Variants in ENKUR observed in about 807,000 individuals in gnomAD.
The protein encoded by ENKUR is enkurin, TRPC channel interacting protein.
In ENKUR, 19 loss-of-function variants were observed where a neutral mutation model predicts 27.6. The ratio of observed to expected loss-of-function variants is 0.69; its 90% confidence interval spans 0.48 to 1.01. The LOEUF (loss-of-function observed/expected upper bound fraction) is 1.01, where lower values mean the gene tolerates loss of function less well. Ranked by LOEUF, ENKUR falls within the 50% of genes least tolerant of loss-of-function variation. The probability of loss-of-function intolerance (pLI) is 0.00; values close to 1 mark genes in which losing one functional copy is unlikely to be tolerated. For missense variants in ENKUR, 312 were observed against 310.5 expected, an observed-to-expected ratio of 1.00 and a Z score of -0.04; for synonymous variants, 117 against 96.9, an observed-to-expected ratio of 1.21 and a Z score of -1.22.
At position 25,003,801 on chromosome 10, in the gene ENKUR, G is replaced by C. The variant is rs753050067; in HGVS notation, c.78-4255C>G. On this transcript the variant is annotated intron_variant, in intron 1 of 5. Transcript: ENST00000331161. ...GTATTAAACCTAGTACTCATTACTT[G>C]TTTTTCCTGATCCTCTCCCTCCTTC... Among the ~76,000 whole-genome samples, 4 of 152,130 alleles carry C rather than the reference G, an allele frequency of 2.6e-5. No individual in the cohort carries two copies. In the South Asian group the frequency reaches 6.2e-4, roughly 24 times the overall value.
chr10:25,036,520 A>G (rs2130464242), intron 2 of ENKUR, among the ~76,000 whole-genome samples: 1 of 152,316 alleles, frequency 6.6e-6, no homozygotes, highest in South Asian at 2.1e-4. Flanking sequence ...TTCTTTGGGG[A>G]AAGATCACAG....
At position 24,992,195 on chromosome 10, in the gene ENKUR, G is replaced by A. The variant is rs1849943597; in HGVS notation, c.448-1586C>T. Reference sequence around the variant, plus strand: ...CTAGGAATACTAGTGAATAAAAAAGGCAAAGTTTCCGTCTTCAGGGAATTT... The same window carrying A: ...CTAGGAATACTAGTGAATAAAAAAGACAAAGTTTCCGTCTTCAGGGAATTT... On this transcript the variant is annotated intron_variant, in intron 3 of 5. Transcript: ENST00000331161. Among the ~76,000 whole-genome samples the A allele has an allele frequency of 2.0e-5, 3 of 152,334 alleles. No homozygotes were observed. The South Asian group carries it at 6.2e-4, about 32-fold the overall frequency.
chr10:25,038,002 A>G (rs1451673425), intron 2 of ENKUR, among the ~76,000 whole-genome samples: 3 of 152,196 alleles, frequency 2.0e-5, no homozygotes, highest in Non-Finnish European at 4.4e-5. Context: ...TAGATCCCAC[A>G]ATAAACCACT....
At chr10:25,061,018 T>C (rs1019652043) in intron 2 of ENKUR, 1 of 1,253,992 alleles carries the variant, frequency 8.0e-7, no homozygotes, top group African/African-American at 1.5e-5. Flanking sequence ...CTGGCCCTTA[T>C]GTTTCTTTAG....
chr10:25,028,858 C>G (rs1177504664), intron 2 of ENKUR, among the ~76,000 whole-genome samples: 6 of 152,186 alleles, frequency 3.9e-5, no homozygotes, highest in Non-Finnish European at 8.8e-5. Flanking sequence ...CATACATTTT[C>G]TGTTATTCAT....
At chr10:25,036,504 C>A (rs1400168471) in intron 2 of ENKUR, among the ~76,000 whole-genome samples, 2 of 152,116 alleles carry the variant, frequency 1.3e-5, no homozygotes, top group African/African-American at 4.8e-5. Context: ...AGTATTTGTT[C>A]CACTTTTCTT....
Position 24,995,756 on chromosome 10 carries a change from T to C in ENKUR, c.337A>G (p.Ile113Val), listed in dbSNP as rs1347838197. Residue 113 changes from isoleucine to valine, a missense_variant, in exon 3 of 6, where the codon ATC (isoleucine) becomes GTC (valine). By Grantham distance (29) the Ile-to-Val change is conservative. Transcript: ENST00000331161. ...KNFINTNAADIIMGVAKKPKP... is the reference protein window; with the variant it reads ...KNFINTNAADVIMGVAKKPKP... ...GGCTTTTTAGCCACTCCCATGATGATATCAGCTGCATTTGTATTTATAAAA... is the reference window on the plus strand; with the variant it reads ...GGCTTTTTAGCCACTCCCATGATGACATCAGCTGCATTTGTATTTATAAAA... 2 of 1,614,084 alleles carry C rather than the reference T, an allele frequency of 1.2e-6. No homozygotes were observed. Among genetic ancestry groups the C allele is most frequent in the Non-Finnish European group, 1.7e-6 (2 of 1,179,984 alleles).
chr10:24,991,919 A>G (rs1443467668), intron 3 of ENKUR, among the ~76,000 whole-genome samples: 1 of 152,212 alleles, frequency 6.6e-6, no homozygotes, highest in African/African-American at 2.4e-5. Context: ...CTTTGGAGTC[A>G]GAGCCTCACA....
At chr10:24,992,925 T>C (rs1193424837) in intron 3 of ENKUR, among the ~76,000 whole-genome samples, 1 of 152,272 alleles carries the variant, frequency 6.6e-6, no homozygotes, top group Admixed American at 6.5e-5. Context: ...TACAGCTTAG[T>C]ACAATAATGG....
chr10:24,996,449 T>C (rs1850057970), intron 2 of ENKUR, among the ~76,000 whole-genome samples: 1 of 148,628 alleles, frequency 6.7e-6, no homozygotes, highest in Non-Finnish European at 1.5e-5. Flanking sequence ...TGTGTGTGTG[T>C]GTGTGTGTAT....
At chr10:25,024,318 T>C (rs750692512) in intron 2 of ENKUR, 1 of 1,614,208 alleles carries the variant, frequency 6.2e-7, no homozygotes, top group Non-Finnish European at 8.5e-7. Flanking sequence ...TTGCACACTG[T>C]ATCCCACCAA....
chr10:25,046,088 A>G (rs1251415230), intron 2 of ENKUR, among the ~76,000 whole-genome samples: 3 of 152,226 alleles, frequency 2.0e-5, no homozygotes, highest in Admixed American at 1.3e-4. Flanking sequence ...GATTGAAAGA[A>G]AAACCAAACT....
At chr10:25,060,387 T>A (rs763037822) in intron 2 of ENKUR, among the ~76,000 whole-genome samples, 3 of 152,168 alleles carry the variant, frequency 2.0e-5, no homozygotes, top group Non-Finnish European at 2.9e-5. Flanking sequence ...ACTGCTCTAA[T>A]TTCTCAAATA....
intron 4 of ENKUR, among the ~76,000 whole-genome samples, chr10:24,985,517 T>C (rs963751579): frequency 6.6e-6 from 1 of 152,238 alleles, no homozygotes; most frequent in East Asian, 1.9e-4. Context: ...TAATGTATTC[T>C]ATAAATGATT....
At chr10:25,013,107 T>C (rs962311140) in intron 1 of ENKUR, among the ~76,000 whole-genome samples, 5 of 152,198 alleles carry the variant, frequency 3.3e-5, no homozygotes, top group African/African-American at 1.2e-4. Flanking sequence ...ATGTAAGATG[T>C]GACTTTGCTC....
chr10:24,987,736 T>C (rs1849810654), intron 4 of ENKUR, among the ~76,000 whole-genome samples: 1 of 152,198 alleles, frequency 6.6e-6, no homozygotes, highest in South Asian at 2.1e-4. Flanking sequence ...AACACCAGCC[T>C]GGCAATTGGT....
At chr10:25,034,035 T>G (rs1221009880) in intron 2 of ENKUR, among the ~76,000 whole-genome samples, 1 of 140,838 alleles carries the variant, frequency 7.1e-6, no homozygotes, top group Non-Finnish European at 1.7e-5. Flanking sequence ...CAACAAACAT[T>G]CATGACTAAA....
At chr10:25,053,894 A>G (rs951558779) in intron 2 of ENKUR, among the ~76,000 whole-genome samples, 1 of 152,154 alleles carries the variant, frequency 6.6e-6, no homozygotes, top group Non-Finnish European at 1.5e-5. Context: ...AAGAAAGTAA[A>G]CTTCACTAAT....
chr10:24,993,792 C>T (rs896919072), intron 3 of ENKUR, among the ~76,000 whole-genome samples: 1 of 152,128 alleles, frequency 6.6e-6, no homozygotes, highest in East Asian at 1.9e-4. Flanking sequence ...TCCAAATTTC[C>T]TGTTGAAGGT....
Sources: allele counts gnomAD v4.1 joint callset (sites outside exome capture counted in the v4.1 genomes callset), GRCh38; gene constraint gnomAD v4.1.1; transcripts MANE v1.5; gene names NCBI Gene and HGNC (gene_info 2026-07-23, HGNC 2026-07-21).